MAPRE1: variants seen among roughly 807,000 people sequenced by gnomAD.
MAPRE1 encodes microtubule-associated protein RP/EB family member 1.
A neutral mutation model predicts 32.1 loss-of-function variants in MAPRE1; 5 were observed. The observed-to-expected ratio is 0.16, with a 90% CI of 0.08 to 0.33. The LOEUF (loss-of-function observed/expected upper bound fraction) is 0.33, where lower values mean the gene tolerates loss of function less well. Ranked by LOEUF, MAPRE1 falls within the 10% of genes least tolerant of loss-of-function variation. MAPRE1 has a pLI of 1.00. For missense variants in MAPRE1, 209 were observed against 327.2 expected, an observed-to-expected ratio of 0.64 and a Z score of 2.79; for synonymous variants, 122 against 118.9, an observed-to-expected ratio of 1.03 and a Z score of -0.17.
chr20:32,835,139 C>A (rs963652162), intron 3 of MAPRE1, among the ~76,000 whole-genome samples: 1 of 152,078 alleles, frequency 6.6e-6, no homozygotes, highest in Non-Finnish European at 1.5e-5. Context: ...GCAGGAGCAT[C>A]ATTTGAACTC....
intron 4 of MAPRE1, among the ~76,000 whole-genome samples, chr20:32,839,363 A>G (rs1983290263): frequency 6.6e-6 from 1 of 152,248 alleles, no homozygotes; most frequent in Non-Finnish European, 1.5e-5. Context: ...TGTAACCAAC[A>G]TGAAACAACC....
chr20:32,833,417 G>C (rs1406321841), intron 2 of MAPRE1, among the ~76,000 whole-genome samples: 1 of 152,038 alleles, frequency 6.6e-6, no homozygotes, highest in African/African-American at 2.4e-5. Flanking sequence ...TTTGTTTCTA[G>C]TGGTCATTTT....
At chr20:32,826,152 C>CT in intron 2 of MAPRE1, 104 bp downstream of exon 2, 2 of 1,025,602 alleles carry the variant, frequency 2.0e-6, no homozygotes, top group Non-Finnish European at 2.7e-6. Flanking sequence ...GGTTCAGGGT[C>CT]TTTGTTAGGG....
At chr20:32,843,824 G>A (rs903856697) in intron 5 of MAPRE1, among the ~76,000 whole-genome samples, 2 of 151,754 alleles carry the variant, frequency 1.3e-5, no homozygotes, top group African/African-American at 4.8e-5. Context: ...AAGGTTCTAA[G>A]AGTGACCTTA....
intron 2 of MAPRE1, among the ~76,000 whole-genome samples, chr20:32,826,651 A>C (rs853863): frequency 0.69 from 103,409 of 149,936 alleles, 37,614 homozygotes; most frequent in East Asian, 1. Context: ...TTTAGCCTCC[A>C]AAGTACCTGG....
chr20:32,834,901 T>C (rs937032951), intron 3 of MAPRE1, among the ~76,000 whole-genome samples: 1 of 152,250 alleles, frequency 6.6e-6, no homozygotes, highest in Non-Finnish European at 1.5e-5. Context: ...AATTCTATCC[T>C]ATCCTATGTA....
In MAPRE1 at chr20:32,839,930, C is replaced by A; in HGVS notation, c.597+74C>A. On this transcript the variant is annotated intron_variant, in intron 5 of 6. Coordinates refer to ENST00000375571, the MANE Select transcript of MAPRE1 (RefSeq NM_012325.3). ...CTTGCGGTGGCCAGGGTGCCTTATC[C>A]GTGTTCTTAAATGAACACCTGCCTT... The A allele has an allele frequency of 2.5e-6, 4 of 1,586,810 alleles. No individual in the cohort carries two copies. The Admixed American group carries it at 5.2e-5, about 21-fold the overall frequency.
intron 5 of MAPRE1, 65 bp downstream of exon 5, chr20:32,839,921 T>G: frequency 6.3e-7 from 1 of 1,599,398 alleles, no homozygotes; most frequent in Non-Finnish European, 8.5e-7. Flanking sequence ...GTGGCCAGGG[T>G]GCCTTATCCG....
At chr20:32,844,122 G>A (rs1454032886) in intron 5 of MAPRE1, among the ~76,000 whole-genome samples, 1 of 152,158 alleles carries the variant, frequency 6.6e-6, no homozygotes, top group Admixed American at 6.6e-5. Context: ...CCAAGGTGCT[G>A]GGATTACAGA....
At chr20:32,825,118 C>T (rs1316917984) in intron 1 of MAPRE1, among the ~76,000 whole-genome samples, 1 of 149,478 alleles carries the variant, frequency 6.7e-6, no homozygotes, top group East Asian at 2.0e-4. Flanking sequence ...TGCCATTGCA[C>T]TCCAGTCTGG....
intron 4 of MAPRE1, among the ~76,000 whole-genome samples, chr20:32,837,967 C>T (rs957346790): frequency 1.3e-5 from 2 of 152,128 alleles, no homozygotes; most frequent in African/African-American, 2.4e-5. Flanking sequence ...CCTGTAATCC[C>T]AGCTACTCAG....
intron 1 of MAPRE1, among the ~76,000 whole-genome samples, chr20:32,821,918 G>C (rs919857292): frequency 6.6e-6 from 1 of 152,152 alleles, no homozygotes; most frequent in Non-Finnish European, 1.5e-5. Context: ...TTGTGTGGTA[G>C]TCATGGGTCT....
At chr20:32,837,466 TG>T (rs1238247489) in intron 4 of MAPRE1, among the ~76,000 whole-genome samples, 2 of 152,134 alleles carry the variant, frequency 1.3e-5, no homozygotes, top group Non-Finnish European at 2.9e-5. Context: ...GGTATGGGCT[TG>T]GTAGCTTTCC....
At chr20:32,840,492 G>GT (rs1020358363) in intron 5 of MAPRE1, among the ~76,000 whole-genome samples, 205 of 152,154 alleles carry the variant, frequency 1.3e-3, no homozygotes, top group African/African-American at 4.5e-3. Flanking sequence ...TATTAAAAAA[G>GT]TTTTTTTAAT....
Position 32,848,746 on chromosome 20 carries a change from GCAACAT to G in MAPRE1, c.*20_*25del, listed in dbSNP as rs1835628251. ...AGTATTAACAGCCTGGACCAGCAGAGCAACATCGGAATTCTTCACTCCAAATCATGT... is the reference window on the plus strand; with the variant it reads ...AGTATTAACAGCCTGGACCAGCAGAGCGGAATTCTTCACTCCAAATCATGT... On this transcript the variant is annotated 3_prime_UTR_variant, in exon 7 of 7. Transcript: ENST00000375571. The G allele has an allele frequency of 1.9e-6, 3 of 1,604,158 alleles. No individual in the cohort carries two copies. Among genetic ancestry groups the G allele is most frequent in the African/African-American group, 2.7e-5 (2 of 74,720 alleles).
chr20:32,819,927 A>T (rs922769196), upstream of MAPRE1: 4 of 126,820 alleles, frequency 3.2e-5, no homozygotes, highest in Non-Finnish European at 6.6e-5. Flanking sequence ...GGTGCGTGTG[A>T]GGTCATCGCG....
intron 2 of MAPRE1, among the ~76,000 whole-genome samples, chr20:32,831,567 C>T (rs1289277256): frequency 6.7e-6 from 1 of 149,604 alleles, no homozygotes; most frequent in Non-Finnish European, 1.5e-5. Flanking sequence ...CTTGCTCTGT[C>T]TCCCAGGCTG....
At chr20:32,838,767 G>A (rs1488134324) in intron 4 of MAPRE1, among the ~76,000 whole-genome samples, 4 of 152,192 alleles carry the variant, frequency 2.6e-5, no homozygotes, top group Non-Finnish European at 5.9e-5. Flanking sequence ...TAGTCTTTGG[G>A]ATAAACGTGC....
intron 5 of MAPRE1, among the ~76,000 whole-genome samples, chr20:32,844,655 G>A (rs1202134194): frequency 2.0e-5 from 3 of 151,808 alleles, no homozygotes; most frequent in Non-Finnish European, 2.9e-5. Flanking sequence ...CTCGTGATCC[G>A]CCTGCCTTGG....
Sources: allele counts gnomAD v4.1 joint callset (sites outside exome capture counted in the v4.1 genomes callset), GRCh38; gene constraint gnomAD v4.1.1; transcripts MANE v1.5; gene names NCBI Gene and HGNC (gene_info 2026-07-23, HGNC 2026-07-21).